Variants in IL1RAPL1 observed in about 807,000 individuals in gnomAD.
IL1RAPL1 encodes the protein interleukin 1 receptor accessory protein like 1.
A neutral mutation model predicts 48.4 loss-of-function variants in IL1RAPL1; 3 were observed. The ratio of observed to expected loss-of-function variants is 0.06; its 90% CI spans 0.03 to 0.16. IL1RAPL1 has a LOEUF of 0.16. Ranked by LOEUF, IL1RAPL1 falls within the 10% of genes least tolerant of loss-of-function variation. IL1RAPL1 has a pLI of 1.00. For missense variants in IL1RAPL1, 349 were observed against 530.6 expected (o/e 0.66, Z 3.36); for synonymous variants, 185 against 187.7 (o/e 0.99, Z 0.12).
intron 2 of IL1RAPL1, among the ~76,000 whole-genome samples, chrX:29,250,206 T>G (rs1931581184): frequency 8.9e-6 from 1 of 111,895 alleles, no homozygotes; most frequent in African/African-American, 3.2e-5. Flanking sequence ...TCATTGGACT[T>G]TATTTCACTG....
At chrX:28,629,842 G>A (rs1166267622) in intron 1 of IL1RAPL1, among the ~76,000 whole-genome samples, 3 of 111,837 alleles carry the variant, frequency 2.7e-5, no homozygotes, top group South Asian at 3.7e-4. Context: ...AGGCAAGCAC[G>A]GCAAAGAGAG....
At chrX:29,096,095 A>G (rs1368426453) in intron 2 of IL1RAPL1, among the ~76,000 whole-genome samples, 2 of 111,476 alleles carry the variant, frequency 1.8e-5, no homozygotes, top group Non-Finnish European at 3.8e-5. Context: ...TAGGACTCAC[A>G]CGTAAAATAG....
intron 6 of IL1RAPL1, among the ~76,000 whole-genome samples, chrX:29,830,251 A>G (rs1020159446): frequency 1.8e-5 from 2 of 111,987 alleles, no homozygotes; most frequent in South Asian, 3.7e-4. Context: ...TGAGAAAAAA[A>G]TGACATTGAT....
intron 3 of IL1RAPL1, among the ~76,000 whole-genome samples, chrX:29,314,127 G>A (rs957783579): frequency 5.4e-5 from 6 of 111,975 alleles, no homozygotes; most frequent in African/African-American, 1.9e-4. Context: ...TGTTGATTAA[G>A]CAACGCTGAG....
At chrX:29,242,682 G>A (rs1931443255) in intron 2 of IL1RAPL1, among the ~76,000 whole-genome samples, 1 of 112,034 alleles carries the variant, frequency 8.9e-6, no homozygotes, top group Non-Finnish European at 1.9e-5. Flanking sequence ...ATAACGAATA[G>A]CATTAATAAC....
chrX:29,015,407 A>T (rs1926217844), intron 2 of IL1RAPL1, among the ~76,000 whole-genome samples: 1 of 111,709 alleles, frequency 9.0e-6, no homozygotes, highest in African/African-American at 3.2e-5. Flanking sequence ...ATCACAGTGA[A>T]TTATATAGAA....
chrX:29,467,322 T>G (rs957054131), intron 5 of IL1RAPL1, among the ~76,000 whole-genome samples: 1 of 112,665 alleles, frequency 8.9e-6, no homozygotes, highest in Non-Finnish European at 1.9e-5. Flanking sequence ...AAGTGTCCTG[T>G]GCTTAGAAAA....
intron 2 of IL1RAPL1, among the ~76,000 whole-genome samples, chrX:28,829,666 TCTC>T (rs1339548588): frequency 9.3e-6 from 1 of 108,070 alleles, no homozygotes; most frequent in Non-Finnish European, 1.9e-5. Context: ...TTCAAGCGAT[TCTC>T]CTACCTCAGC....
At chrX:29,089,533 G>A (rs987177841) in intron 2 of IL1RAPL1, among the ~76,000 whole-genome samples, 2 of 103,400 alleles carry the variant, frequency 1.9e-5, no homozygotes, top group Non-Finnish European at 3.9e-5. Flanking sequence ...ATATTTCACT[G>A]TCTTTTTTCA....
chrX:28,877,957 C>T (rs1195643892), intron 2 of IL1RAPL1, among the ~76,000 whole-genome samples: 9 of 112,020 alleles, frequency 8.0e-5, no homozygotes, highest in South Asian at 3.6e-4. Flanking sequence ...TTAAAATATA[C>T]TTTAATTTAT....
At chrX:29,049,089 A>G (rs1024446621) in intron 2 of IL1RAPL1, among the ~76,000 whole-genome samples, 2 of 112,341 alleles carry the variant, frequency 1.8e-5, no homozygotes, top group African/African-American at 6.5e-5. Context: ...CAATCTGTCT[A>G]AAACCTAGCA....
chrX:29,264,859 A>C (rs888776992), intron 2 of IL1RAPL1, among the ~76,000 whole-genome samples: 3 of 110,813 alleles, frequency 2.7e-5, no homozygotes, highest in African/African-American at 9.8e-5. Flanking sequence ...TTTTCGAAAA[A>C]CCAGCTTTTG....
intron 2 of IL1RAPL1, among the ~76,000 whole-genome samples, chrX:29,118,514 A>C (rs975556445): frequency 2.7e-5 from 3 of 111,960 alleles, no homozygotes. Context: ...TCAAAATGCA[A>C]AGATGCAGAA....
At chrX:29,125,091 A>G (rs948737892) in intron 2 of IL1RAPL1, among the ~76,000 whole-genome samples, 3 of 112,401 alleles carry the variant, frequency 2.7e-5, no homozygotes, top group Non-Finnish European at 5.6e-5. Context: ...CACTCCTTTT[A>G]GTGTTTTCAA....
intron 2 of IL1RAPL1, among the ~76,000 whole-genome samples, chrX:29,055,878 C>T (rs1350802472): frequency 9.0e-6 from 1 of 111,610 alleles, no homozygotes; most frequent in Non-Finnish European, 1.9e-5. Flanking sequence ...ATGTATATGA[C>T]TTCCCATGTC....
chrX:29,568,775 A>G lies in IL1RAPL1; in HGVS notation c.704-99655A>G, dbSNP rs185965534. On this transcript the variant is annotated intron_variant, in intron 5 of 10. Transcript: ENST00000378993. ...GAGAATAGGATTTTTATAACTGAAT[A>G]TGGTATAATAGAGACCAAGAGTTTT... Among the ~76,000 whole-genome samples, 4 of 111,755 alleles carry G rather than the reference A, an allele frequency of 3.6e-5. 1 individual carries two copies. In the East Asian group the frequency reaches 1.1e-3, roughly 31 times the overall value.
At chrX:29,618,929 C>A (rs1182931364) in intron 5 of IL1RAPL1, among the ~76,000 whole-genome samples, 1 of 111,466 alleles carries the variant, frequency 9.0e-6, no homozygotes, top group Non-Finnish European at 1.9e-5. Flanking sequence ...CATTAGCTGC[C>A]AAATTTAAAA....
intron 6 of IL1RAPL1, among the ~76,000 whole-genome samples, chrX:29,854,288 T>C (rs950947677): frequency 2.7e-5 from 3 of 111,763 alleles, no homozygotes; most frequent in African/African-American, 9.8e-5. Flanking sequence ...TGTCTTCCAA[T>C]AATATATACT....
At chrX:29,592,566 C>T (rs777436930) in intron 5 of IL1RAPL1, among the ~76,000 whole-genome samples, 1 of 111,619 alleles carries the variant, frequency 9.0e-6, no homozygotes, top group African/African-American at 3.3e-5. Context: ...ATATTTCTTT[C>T]TGGTTTACCT....
Sources: gnomAD v4.1 joint callset for allele counts (sites outside exome capture counted in the v4.1 genomes callset) on GRCh38, gnomAD v4.1.1 for gene constraint, MANE v1.5 for transcripts, NCBI Gene and HGNC (gene_info 2026-07-23, HGNC 2026-07-21) for gene names.